The following RCAN2 variants were observed in gnomAD, a reference collection of about 807,000 sequenced individuals.
RCAN2 encodes calcipressin-2.
In RCAN2, 9 loss-of-function variants were observed where a neutral mutation model predicts 23.6. That is an observed-to-expected ratio of 0.38 (90% CI 0.23 to 0.67). The LOEUF is 0.67. RCAN2 is among the 30% of genes least tolerant of loss of function. The pLI is 0.51. For missense variants in RCAN2, 273 were observed against 302.3 expected, an observed-to-expected ratio of 0.90 and a Z score of 0.72; for synonymous variants, 109 against 115.7, an observed-to-expected ratio of 0.94 and a Z score of 0.37.
chr6:46,482,282 A>G (rs2150447738), intron 1 of RCAN2, among the ~76,000 whole-genome samples: 1 of 152,292 alleles, frequency 6.6e-6, no homozygotes, highest in African/African-American at 2.4e-5. Flanking sequence ...AGCTATGTGT[A>G]TATATTCTGC....
intron 2 of RCAN2, among the ~76,000 whole-genome samples, chr6:46,301,498 C>T (rs1321882749): frequency 6.6e-6 from 1 of 152,110 alleles, no homozygotes; most frequent in Non-Finnish European, 1.5e-5. Context: ...CACATTCATT[C>T]ATTCAACAAA....
intron 2 of RCAN2, among the ~76,000 whole-genome samples, chr6:46,381,274 A>G (rs1561882456): frequency 6.6e-6 from 1 of 152,146 alleles, no homozygotes; most frequent in Non-Finnish European, 1.5e-5. Flanking sequence ...AGATAATACA[A>G]TGGAAAGATC....
chr6:46,342,751 A>G (rs775119263), intron 2 of RCAN2, among the ~76,000 whole-genome samples: 1 of 151,846 alleles, frequency 6.6e-6, no homozygotes, highest in Non-Finnish European at 1.5e-5. Flanking sequence ...AGAATTTGCC[A>G]TAGAGAGGCA....
intron 2 of RCAN2, among the ~76,000 whole-genome samples, chr6:46,414,215 T>C (rs563534857): frequency 6.6e-5 from 10 of 152,380 alleles, no homozygotes; most frequent in African/African-American, 2.2e-4. Flanking sequence ...TAGACTCTTA[T>C]GCAGATATCA....
chr6:46,224,788 G>GTT (rs533503312), intron 4 of RCAN2, among the ~76,000 whole-genome samples: 2 of 146,278 alleles, frequency 1.4e-5, no homozygotes, highest in African/African-American at 2.5e-5. Context: ...ACAAGGTACA[G>GTT]TTTTTTTTTT....
chr6:46,234,220 G>A (rs1766008841), intron 4 of RCAN2, among the ~76,000 whole-genome samples: 1 of 152,144 alleles, frequency 6.6e-6, no homozygotes, highest in African/African-American at 2.4e-5. Context: ...TTATTGCTGT[G>A]ATCCCATTAA....
At chr6:46,273,316 C>CATCCAT (rs1767577523) in intron 2 of RCAN2, among the ~76,000 whole-genome samples, 1 of 152,224 alleles carries the variant, frequency 6.6e-6, no homozygotes, top group Non-Finnish European at 1.5e-5. Context: ...CTCTCTGTTT[C>CATCCAT]ATCCATGAAA....
chr6:46,229,047 A>T (rs1462267688), intron 4 of RCAN2, among the ~76,000 whole-genome samples: 1 of 152,196 alleles, frequency 6.6e-6, no homozygotes, highest in Admixed American at 6.5e-5. Flanking sequence ...TTGGCTGGAT[A>T]TGAAATTCTG....
intron 2 of RCAN2, among the ~76,000 whole-genome samples, chr6:46,374,321 T>C (rs908920010): frequency 6.6e-6 from 1 of 152,238 alleles, no homozygotes; most frequent in African/African-American, 2.4e-5. Context: ...ATCTCAGGCC[T>C]CCCTAATTGC....
intron 2 of RCAN2, among the ~76,000 whole-genome samples, chr6:46,349,355 A>G (rs1764579295): frequency 6.6e-6 from 1 of 152,126 alleles, no homozygotes. Flanking sequence ...GAGGTGAACA[A>G]TGAGAACACA....
In RCAN2 at chr6:46,221,607, C is replaced by T. The variant is rs758920868; in HGVS notation, c.*1534G>A. The stretch of plus-strand genomic sequence containing the variant: ...ATTGCTATATTCACAGTAAAACGGA[C>T]TTTAATTTCTGAGTGATCAGTCTAT... On this transcript the variant is annotated 3_prime_UTR_variant, in exon 5 of 5. Coordinates refer to ENST00000371374, the MANE Select transcript of RCAN2 (RefSeq NM_001251974.2). 4.0e-6 allele frequency: 1 copy of T among 252,670 alleles called. No individual in the cohort carries two copies. Among genetic ancestry groups the T allele is most frequent in the African/African-American group, 2.2e-5 (1 of 45,074 alleles). The allele number at this position is 252,670 out of a possible 1,614,324, so 15.7% of individuals were successfully genotyped here.
intron 1 of RCAN2, among the ~76,000 whole-genome samples, chr6:46,490,236 C>T (rs1192736000): frequency 6.6e-6 from 1 of 152,170 alleles, no homozygotes; most frequent in Non-Finnish European, 1.5e-5. Context: ...AATGCTGTGA[C>T]ATCCCTTCAT....
rs1767856289 is a variant in RCAN2 at position 46,450,802 on chromosome 6, A to G, written c.225+5950T>C. 2.0e-5 allele frequency among the ~76,000 whole-genome samples: 3 copies of G among 152,074 alleles called. No individual in the cohort carries two copies. In the South Asian group the frequency reaches 6.2e-4, roughly 31 times the overall value. On this transcript the variant is annotated intron_variant, in intron 2 of 4. Transcript: ENST00000371374. ...GCTGGGAAGTTGTTGAACAAAGGCT[A>G]CAAAATTTTAGCTGGACAGGAGGAA...
In RCAN2 at chr6:46,404,507, G is replaced by A. The variant is rs369013500; in HGVS notation, c.225+52245C>T. On this transcript the variant is annotated intron_variant, in intron 2 of 4. Coordinates refer to ENST00000371374, the MANE Select transcript of RCAN2 (RefSeq NM_001251974.2). ...TCAGGTCTAGAGTACCTTACTATAC[G>A]TTATATATCAAGTTCTTAAATGTGG... 4.6e-5 allele frequency among the ~76,000 whole-genome samples: 7 copies of A among 151,990 alleles called. No homozygotes were observed. In the East Asian group the frequency reaches 5.8e-4, roughly 13 times the overall value.
chr6:46,372,922 T>G (rs1211345777), intron 2 of RCAN2, among the ~76,000 whole-genome samples: 1 of 152,212 alleles, frequency 6.6e-6, no homozygotes. Context: ...TTAGAGATCA[T>G]GAAGTCAAAG....
At chr6:46,295,472 C>G (rs1267556502) in intron 2 of RCAN2, among the ~76,000 whole-genome samples, 2 of 152,014 alleles carry the variant, frequency 1.3e-5, no homozygotes, top group African/African-American at 4.8e-5. Context: ...AAAAGAAAAG[C>G]CTGACAGAAG....
intron 2 of RCAN2, among the ~76,000 whole-genome samples, chr6:46,388,745 C>G (rs902536158): frequency 1.3e-5 from 2 of 152,078 alleles, no homozygotes; most frequent in Non-Finnish European, 2.9e-5. Context: ...GGGAGTTCAA[C>G]AATGAAAACA....
At chr6:46,438,199 T>C (rs1767426650) in intron 2 of RCAN2, 1 of 152,222 alleles carries the variant, frequency 6.6e-6, no homozygotes. Flanking sequence ...TTTTATGACA[T>C]GGGATGGGTC....
intron 2 of RCAN2, among the ~76,000 whole-genome samples, chr6:46,311,714 C>G (rs1299827837): frequency 6.6e-6 from 1 of 152,194 alleles, no homozygotes; most frequent in Non-Finnish European, 1.5e-5. Flanking sequence ...ACAAACTTCT[C>G]CTAAGACTGT....
Sources: gnomAD v4.1 joint callset for allele counts (sites outside exome capture counted in the v4.1 genomes callset) on GRCh38, gnomAD v4.1.1 for gene constraint, MANE v1.5 for transcripts, NCBI Gene and HGNC (gene_info 2026-07-23, HGNC 2026-07-21) for gene names.